DDX55: variants seen among roughly 807,000 people sequenced by gnomAD.
DDX55 encodes the protein DEAD-box helicase 55, also known as ATP-dependent RNA helicase DDX55.
Under a neutral mutation model 69.2 loss-of-function variants are expected in DDX55, and 56 were observed. The observed-to-expected ratio is 0.81, with a 90% confidence interval of 0.65 to 1.01. DDX55 has a LOEUF of 1.01. Ranked by LOEUF, DDX55 falls within the 50% of genes least tolerant of loss-of-function variation. The pLI is 0.00. For synonymous variants in DDX55, 268 were observed against 273.1 expected (o/e 0.98, Z 0.18); for missense variants, 720 against 745.1 (o/e 0.97, Z 0.39).
In DDX55 at chr12:123,615,259, A is replaced by G; in HGVS notation, c.899A>G (p.His300Arg). The change falls in exon 9 of 14, where the codon CAC (histidine) becomes CGC (arginine). Residue 300 changes from histidine (H) to arginine (R), a missense_variant. Physicochemically the swap from His to Arg is conservative, Grantham distance 29. Transcript: ENST00000238146. ...LVKGVKIMCI[H>R]GKMKYKRNKI... Reference sequence around the variant, plus strand: ...AAGGGCGTGAAGATTATGTGCATTCACGGAAAGATGAAATATAAACGCAAT... The same window carrying G: ...AAGGGCGTGAAGATTATGTGCATTCGCGGAAAGATGAAATATAAACGCAAT... 6.2e-7 allele frequency: 1 copy of G among 1,614,140 alleles called. No homozygotes were observed. The highest frequency in any genetic ancestry group is 1.6e-4 in the Middle Eastern group (1 of 6,062).
At chr12:123,616,839 T>A in intron 10 of DDX55, 1 of 477,910 alleles carries the variant, frequency 2.1e-6, no homozygotes, top group Middle Eastern at 4.9e-4. Context: ...TTTCAGACAA[T>A]GAGAGAAAAC....
chr12:123,611,513 GT>G (rs1954242180), intron 7 of DDX55, among the ~76,000 whole-genome samples: 2 of 152,312 alleles, frequency 1.3e-5, no homozygotes, highest in African/African-American at 4.8e-5. Flanking sequence ...TAAATTTTTC[GT>G]TAGGCCTGGA....
intron 1 of DDX55, among the ~76,000 whole-genome samples, chr12:123,604,191 G>T (rs991733301): frequency 1.3e-5 from 2 of 152,170 alleles, no homozygotes; most frequent in African/African-American, 4.8e-5. Context: ...AGGATCCCTT[G>T]AGCCCAGGAG....
At chr12:123,602,976 TC>T (rs1953661406) in intron 1 of DDX55, among the ~76,000 whole-genome samples, 1 of 152,140 alleles carries the variant, frequency 6.6e-6, no homozygotes, top group Non-Finnish European at 1.5e-5. Flanking sequence ...GGGAGATTAT[TC>T]CACTGGAGAG....
At position 123,617,878 on chromosome 12, in the gene DDX55, C is replaced by T. The variant is rs778327154; in HGVS notation, c.1164+6C>T. 1 of 1,610,066 alleles carries T rather than the reference C, an allele frequency of 6.2e-7. No individual in the cohort carries two copies. On this transcript the variant is annotated splice_donor_region_variant and intron_variant, in intron 11 of 13. Coordinates refer to ENST00000238146, the MANE Select transcript of DDX55 (RefSeq NM_020936.3). ...TCCTTGCAATTAACCAAAAAGTAAG[C>T]TGCCGTCCGTTTTCAGATAGAATGC...
chr12:123,615,279 C>A lies in DDX55; in HGVS notation c.919C>A (p.Arg307Ser), dbSNP rs778387510. 6.2e-7 allele frequency: 1 copy of A among 1,613,982 alleles called. No homozygotes were observed. Among genetic ancestry groups the A allele is most frequent in the Admixed American group, 1.7e-5 (1 of 60,006 alleles). Reference protein sequence around the residue: ...MCIHGKMKYKRNKIFMEFRKL... With the variant: ...MCIHGKMKYKSNKIFMEFRKL... The stretch of plus-strand genomic sequence containing the variant: ...CATTCACGGAAAGATGAAATATAAA[C>A]GCAATAAGATCTTCATGGAGTTCCG... The change falls in exon 9 of 14, where the codon CGC (arginine) becomes AGC (serine). Residue 307 changes from arginine (R) to serine (S), a missense_variant. Arg to Ser is a moderately radical substitution (Grantham distance 110, BLOSUM62 -1). Transcript: ENST00000238146.
In DDX55 at chr12:123,617,798, C is replaced by T; in HGVS notation, c.1090C>T (p.His364Tyr). ...HRCGRTARIG[H>Y]GGSALVFLLP... ...CTGCGGTCGCACAGCTCGCATTGGC[C>T]ACGGGGGCAGCGCTCTGGTGTTCCT... The change falls in exon 11 of 14, where the codon CAC becomes TAC. Residue 364 changes from histidine to tyrosine, a missense_variant. Physicochemically the swap from His to Tyr is moderately conservative, Grantham distance 83 (BLOSUM62 2). Transcript: ENST00000238146. The T allele has an allele frequency of 6.2e-7, 1 of 1,613,834 alleles. No homozygotes were observed.
intron 9 of DDX55, among the ~76,000 whole-genome samples, chr12:123,615,802 G>T (rs1323293298): frequency 6.6e-6 from 1 of 152,216 alleles, no homozygotes; most frequent in East Asian, 1.9e-4. Flanking sequence ...GGCTAACGTG[G>T]TGAAACCCTG....
rs780278642 is a variant in DDX55 at position 123,606,111 on chromosome 12, C to T, written c.198C>T (p.Pro66=). The T allele has an allele frequency of 1.2e-6, 2 of 1,614,156 alleles. No homozygotes were observed. The highest frequency in any genetic ancestry group is 1.7e-6 in the Non-Finnish European group (2 of 1,180,040). Residue 66 remains proline, a synonymous_variant, in exon 3 of 14, where the codon CCC becomes CCT. Coordinates refer to ENST00000238146, the MANE Select transcript of DDX55 (RefSeq NM_020936.3). The part of the protein sequence containing the change: ...GSGKTLAFVI[P]ILEILLRREE... ...GCAAAACACTCGCTTTTGTCATCCC[C>T]ATCCTGGAAATTCTTCTGAGAAGAG... is the stretch of plus-strand genomic sequence containing the variant.
intron 10 of DDX55, 199 bp downstream of exon 10, chr12:123,616,802 G>A: frequency 3.4e-6 from 2 of 595,088 alleles, no homozygotes; most frequent in Non-Finnish European, 3.0e-6. Context: ...GCCTTGCCGT[G>A]CTCCATGTAG....
intron 9 of DDX55, among the ~76,000 whole-genome samples, chr12:123,616,235 A>G (rs1954654421): frequency 6.6e-6 from 1 of 152,170 alleles, no homozygotes; most frequent in African/African-American, 2.4e-5. Flanking sequence ...TCAGATGGCT[A>G]CAAAGGATTA....
At position 123,605,944 on chromosome 12, in the gene DDX55, C is replaced by T. The variant is rs1248461926; in HGVS notation, c.122C>T (p.Pro41Leu). ...CTCTCTCTTTAGTCCGCAACCATCC[C>T]TCTGTTCATGCGAAACAAAGATGTC... ...YMTPVQSATI[P>L]LFMRNKDVAA... The change falls in exon 2 of 14, where the codon CCT becomes CTT. Residue 41 changes from proline to leucine, a missense_variant. Coordinates refer to ENST00000238146, the MANE Select transcript of DDX55 (RefSeq NM_020936.3). 1 of 1,614,158 alleles carries T rather than the reference C, an allele frequency of 6.2e-7. No homozygotes were observed. The highest frequency in any genetic ancestry group is 8.5e-7 in the Non-Finnish European group (1 of 1,180,028).
intron 8 of DDX55, 92 bp downstream of exon 8, chr12:123,613,344 T>C: frequency 7.8e-7 from 1 of 1,274,252 alleles, no homozygotes; most frequent in Non-Finnish European, 1.1e-6. Flanking sequence ...CCATCTAGCA[T>C]GGTTCTCTCC....
chr12:123,606,061 CTCTGTT>C lies in DDX55; in HGVS notation c.160-10_160-5del. The C allele has an allele frequency of 1.4e-6, 2 of 1,464,564 alleles. No individual in the cohort carries two copies. Among genetic ancestry groups the C allele is most frequent in the Non-Finnish European group, 1.8e-6 (2 of 1,112,158 alleles). The allele number at this position is 1,464,564 out of a possible 1,614,324, so 90.7% of individuals were successfully genotyped here. A position where few individuals can be genotyped will look rare whatever the true frequency, so the allele number is the denominator to read the frequency against. On this transcript the variant is annotated splice_region_variant and splice_polypyrimidine_tract_variant and intron_variant, in intron 2 of 13. Coordinates refer to ENST00000238146, the MANE Select transcript of DDX55 (RefSeq NM_020936.3). ...TGAGGAAGAAAGGGAAACCAAAACT[CTCTGTT>C]TGCAGGTCACAGGTAGTGGCAAAAC...
At chr12:123,605,673 CAG>C (rs1337419529) in intron 1 of DDX55, 5 of 585,496 alleles carry the variant, frequency 8.5e-6, no homozygotes, top group Admixed American at 7.2e-5. Flanking sequence ...CTTCCTGGTT[CAG>C]AGAGGAAAGT....
intron 8 of DDX55, among the ~76,000 whole-genome samples, chr12:123,614,843 A>C (rs1048195461): frequency 2.6e-5 from 4 of 152,100 alleles, no homozygotes. Flanking sequence ...TTTGTGGCTA[A>C]GATGTCATTG....
At chr12:123,607,027 T>C (rs1953934505) in intron 3 of DDX55, among the ~76,000 whole-genome samples, 1 of 152,200 alleles carries the variant, frequency 6.6e-6, no homozygotes, top group Non-Finnish European at 1.5e-5. Context: ...CATGAGTTAA[T>C]GTGCTGTTGG....
In DDX55 at chr12:123,602,176, G is replaced by T; in HGVS notation, c.28G>T (p.Glu10Ter). Residue 10 changes from glutamate to a stop codon, truncating the protein, a stop_gained, in exon 1 of 14, where the codon GAG becomes TAG. Coordinates refer to ENST00000238146, the MANE Select transcript of DDX55 (RefSeq NM_020936.3). LOFTEE classifies it high-confidence loss of function. The stretch of plus-strand genomic sequence containing the variant: ...GGAGCATGTGACAGAGGGCTCCTGG[G>T]AGTCGCTGCCTGTGCCGCTGCACCC... Reference protein sequence around the residue: MEHVTEGSWESLPVPLHPQV... With the variant: MEHVTEGSW 1 of 1,564,686 alleles carries T rather than the reference G, an allele frequency of 6.4e-7. No individual in the cohort carries two copies. The highest frequency in any genetic ancestry group is 2.4e-5 in the East Asian group (1 of 42,220).
chr12:123,605,883 T>G (rs1272531545), intron 1 of DDX55, 48 bp from the exon 2 acceptor site: 2 of 1,613,740 alleles, frequency 1.2e-6, no homozygotes, highest in African/African-American at 2.7e-5. Flanking sequence ...GTCTCACCTG[T>G]GAATTGATGG....
Sources: gnomAD v4.1 joint callset for allele counts (sites outside exome capture counted in the v4.1 genomes callset) on GRCh38, gnomAD v4.1.1 for gene constraint, MANE v1.5 for transcripts, NCBI Gene and HGNC (gene_info 2026-07-23, HGNC 2026-07-21) for gene names.